The following RBBP8 variants were observed in gnomAD, a reference collection of about 807,000 sequenced individuals.
The protein encoded by RBBP8 is RB binding protein 8, endonuclease.
RBBP8 carries 88 observed loss-of-function variants against 108.3 expected under a neutral mutation model. That is an observed-to-expected ratio of 0.81 (90% CI 0.68 to 0.97). The LOEUF is 0.97. Ranked by LOEUF, RBBP8 falls within the 50% of genes least tolerant of loss-of-function variation. The probability of loss-of-function intolerance (pLI) is 0.00; values close to 1 mark genes in which losing one functional copy is unlikely to be tolerated. For synonymous variants in RBBP8, 332 were observed against 348.2 expected (o/e 0.95, Z 0.52); for missense variants, 1,023 against 1,049.0 (o/e 0.98, Z 0.34).
chr18:22,948,826 T>A (rs1410758107), intron 3 of RBBP8, among the ~76,000 whole-genome samples: 1 of 152,188 alleles, frequency 6.6e-6, no homozygotes, highest in Non-Finnish European at 1.5e-5. Flanking sequence ...AAATTTCTAA[T>A]GGGTTTTCTT....
At chr18:22,919,202 G>A (rs977726325) in intron 3 of RBBP8, among the ~76,000 whole-genome samples, 2 of 152,084 alleles carry the variant, frequency 1.3e-5, no homozygotes, top group African/African-American at 4.8e-5. Flanking sequence ...TTGGTCAGAG[G>A]GAGTTCAGAA....
At chr18:22,973,203 A>T (rs185012638) in intron 5 of RBBP8, among the ~76,000 whole-genome samples, 1 of 152,300 alleles carries the variant, frequency 6.6e-6, no homozygotes, top group East Asian at 1.9e-4. Context: ...TTCTTCTAAG[A>T]ATACTCCCTT....
At chr18:22,949,431 A>G (rs1411030735) in intron 3 of RBBP8, among the ~76,000 whole-genome samples, 187 bp from the exon 4 acceptor site, 2 of 152,222 alleles carry the variant, frequency 1.3e-5, no homozygotes, top group African/African-American at 2.4e-5. Flanking sequence ...ACTTTATGGT[A>G]TATAAGAGCT....
upstream of RBBP8, among the ~76,000 whole-genome samples, chr18:22,931,097 G>A (rs1464951797): frequency 6.6e-6 from 1 of 152,154 alleles, no homozygotes; most frequent in African/African-American, 2.4e-5. Context: ...TGGGGAGACA[G>A]AATTAATTAA....
In RBBP8 at chr18:23,006,374, A is replaced by C. The variant is rs765195062; in HGVS notation, c.2299A>C (p.Lys767Gln). The change falls in exon 16 of 19, where the codon AAA (lysine) becomes CAA (glutamine). Residue 767 changes from lysine (K) to glutamine (Q), a missense_variant. By Grantham distance (53) the Lys-to-Gln change is moderately conservative (BLOSUM62 1). Transcript: ENST00000327155. Reference protein sequence around the residue: ...ATKKLHTHGDKQDKVKQKAFV... With the variant: ...ATKKLHTHGDQQDKVKQKAFV... ...TGTTTTATTTATAGCTCATGGTGAT[A>C]AACAAGACAAAGTCAAGCAGAAAGC... The C allele has an allele frequency of 6.2e-7, 1 of 1,613,310 alleles. No individual in the cohort carries two copies. The highest frequency in any genetic ancestry group is 2.2e-5 in the East Asian group (1 of 44,854).
In RBBP8 at chr18:22,934,553, AG is replaced by A. The variant is rs1440400503; in HGVS notation, c.-99+992del. ...TATTATTTTTTATACTTTAAGTTCT[AG>A]GGTACATATGCACGACGTGCAGGTT... On this transcript the variant is annotated intron_variant, in intron 1 of 18. Coordinates refer to ENST00000327155, the MANE Select transcript of RBBP8 (RefSeq NM_002894.3). Among the ~76,000 whole-genome samples, 4 of 151,744 alleles carry A rather than the reference AG, an allele frequency of 2.6e-5. 1 individual carries two copies.
At chr18:22,971,298 G>A (rs1308418015) in intron 5 of RBBP8, among the ~76,000 whole-genome samples, 1 of 152,152 alleles carries the variant, frequency 6.6e-6, no homozygotes, top group African/African-American at 2.4e-5. Context: ...TTTTGCTGTA[G>A]ATTGTCTAGG....
chr18:22,917,838 A>C (rs943216372), intron 3 of RBBP8, among the ~76,000 whole-genome samples: 3 of 151,998 alleles, frequency 2.0e-5, no homozygotes, highest in Non-Finnish European at 4.4e-5. Context: ...GTCTCTACTA[A>C]AAATACAAAA....
In RBBP8 at chr18:22,936,935, A is replaced by C; in HGVS notation, c.84A>C (p.Lys28Asn). 1 of 1,614,166 alleles carries C rather than the reference A, an allele frequency of 6.2e-7. No individual in the cohort carries two copies. Among genetic ancestry groups the C allele is most frequent in the Non-Finnish European group, 8.5e-7 (1 of 1,180,010 alleles). The stretch of plus-strand genomic sequence containing the variant: ...TTAAGGACCTTTGGACAAAACTAAA[A>C]GAATGTCATGATAGAGAAGTACAAG... ...SDFKDLWTKL[K>N]ECHDREVQGL... Residue 28 changes from lysine to asparagine, a missense_variant, in exon 2 of 19, where the codon AAA (lysine) becomes AAC (asparagine). By Grantham distance (94) the Lys-to-Asn change is moderately conservative. Transcript: ENST00000327155.
chr18:22,926,117 CT>C (rs779990843), intron 3 of RBBP8, among the ~76,000 whole-genome samples: 5 of 152,154 alleles, frequency 3.3e-5, no homozygotes, highest in Non-Finnish European at 5.9e-5. Context: ...ACAGGTGTCC[CT>C]TTCCATTCAT....
At chr18:22,935,814 T>G (rs1351648869) in intron 1 of RBBP8, among the ~76,000 whole-genome samples, 1 of 152,236 alleles carries the variant, frequency 6.6e-6, no homozygotes, top group Non-Finnish European at 1.5e-5. Context: ...TGTAATAAAC[T>G]TAATGATTCA....
intron 2 of RBBP8, among the ~76,000 whole-genome samples, chr18:22,939,959 A>G (rs1351188574): frequency 6.6e-6 from 1 of 152,210 alleles, no homozygotes; most frequent in Non-Finnish European, 1.5e-5. Context: ...AGCACATGCA[A>G]AAGTTTGCAG....
At chr18:22,996,778 C>T (rs766794126) in intron 13 of RBBP8, among the ~76,000 whole-genome samples, 2 of 152,194 alleles carry the variant, frequency 1.3e-5, no homozygotes, top group African/African-American at 2.4e-5. Context: ...GAGAGAATCA[C>T]TTGAAGCCAG....
chr18:22,988,113 T>C (rs1915453455), intron 8 of RBBP8, among the ~76,000 whole-genome samples: 1 of 152,232 alleles, frequency 6.6e-6, no homozygotes, highest in Non-Finnish European at 1.5e-5. Context: ...TCTGTGCCCC[T>C]ATTATACTAG....
At position 22,996,382 on chromosome 18, in the gene RBBP8, T is replaced by C; in HGVS notation, c.1948T>C (p.Phe650Leu). Residue 650 changes from phenylalanine to leucine, a missense_variant, in exon 13 of 19, where the codon TTT becomes CTT. Physicochemically the swap from Phe to Leu is conservative, Grantham distance 22 (BLOSUM62 0). Transcript: ENST00000327155. ...CTTTCCCTTTACCTAAGATGTATCC[T>C]TTGAAAATATCCAGTGGAGTATAGA... ...KSLQNNQDVS[F>L]ENIQWSIDPG... 1 of 1,613,612 alleles carries C rather than the reference T, an allele frequency of 6.2e-7. No homozygotes were observed. The highest frequency in any genetic ancestry group is 1.7e-4 in the Middle Eastern group (1 of 6,036).
At chr18:22,952,396 A>G (rs927144345) in intron 4 of RBBP8, among the ~76,000 whole-genome samples, 10 of 152,162 alleles carry the variant, frequency 6.6e-5, no homozygotes, top group Admixed American at 3.9e-4. Flanking sequence ...AAGAATAAGG[A>G]CCCAGCCAGC....
chr18:22,934,583 T>G (rs1244443371), intron 1 of RBBP8, among the ~76,000 whole-genome samples: 1 of 152,148 alleles, frequency 6.6e-6, no homozygotes, highest in African/African-American at 2.4e-5. Context: ...GCAGGTTTGT[T>G]ACATATGCAT....
intron 4 of RBBP8, among the ~76,000 whole-genome samples, chr18:22,962,701 A>C (rs1267956057): frequency 3.0e-3 from 234 of 77,674 alleles, no homozygotes; most frequent in South Asian, 7.0e-3. Context: ...CCTCCTCTCC[A>C]CCCCCCCTAC....
At chr18:22,917,867 G>A (rs920659666) in intron 3 of RBBP8, among the ~76,000 whole-genome samples, 4 of 151,840 alleles carry the variant, frequency 2.6e-5, no homozygotes, top group African/African-American at 9.7e-5. Flanking sequence ...GTGTGGTGGT[G>A]CGTGCCTGTA....
Sources: gnomAD v4.1 joint callset for allele counts (sites outside exome capture counted in the v4.1 genomes callset) on GRCh38, gnomAD v4.1.1 for gene constraint, MANE v1.5 for transcripts, NCBI Gene and HGNC (gene_info 2026-07-23, HGNC 2026-07-21) for gene names.